SLC12A5: variants seen among roughly 807,000 people sequenced by gnomAD.
SLC12A5 encodes the protein K-Cl cotransporter 2.
A neutral mutation model predicts 124.0 loss-of-function variants in SLC12A5; 18 were observed. That is an observed-to-expected ratio of 0.15 (90% confidence interval 0.10 to 0.22). The LOEUF (loss-of-function observed/expected upper bound fraction) is 0.22, where lower values mean the gene tolerates loss of function less well. SLC12A5 is among the 10% of genes least tolerant of loss of function. SLC12A5 has a pLI of 1.00. For synonymous variants in SLC12A5, 589 were observed against 568.0 expected (o/e 1.04, Z -0.53); for missense variants, 867 against 1,478.7 (o/e 0.59, Z 6.78).
At chr20:46,055,688 G>A (rs538557753) in intron 21 of SLC12A5, among the ~76,000 whole-genome samples, 58 of 152,242 alleles carry the variant, frequency 3.8e-4, no homozygotes, top group African/African-American at 1.3e-3. Context: ...GAGGGTAATA[G>A]AACCATGGGT....
intron 1 of SLC12A5, 81 bp downstream of exon 1, chr20:46,029,477 C>A (rs1253563779): frequency 1.4e-6 from 2 of 1,443,628 alleles, no homozygotes; most frequent in Non-Finnish European, 1.9e-6. Flanking sequence ...GAGCGGGGGC[C>A]ACCTCCTTCA....
At position 46,030,912 on chromosome 20, in the gene SLC12A5, TG is replaced by T. The variant is rs1201889189; in HGVS notation, c.52+1519del. Reference sequence around the variant, plus strand: ...CTCTCATCCACCTCCCCAGTGACCCTGGGATCACCTCATCCAGCATCCGCCC... The same window carrying T: ...CTCTCATCCACCTCCCCAGTGACCCTGGATCACCTCATCCAGCATCCGCCC... On this transcript the variant is annotated intron_variant, in intron 1 of 25. Transcript: ENST00000243964. 2.0e-5 allele frequency among the ~76,000 whole-genome samples: 3 copies of T among 149,010 alleles called. No homozygotes were observed. In the Middle Eastern group the frequency reaches 0.01, roughly 514 times the overall value.
intron 18 of SLC12A5, among the ~76,000 whole-genome samples, chr20:46,052,505 G>T (rs1481625873): frequency 1.3e-5 from 2 of 152,222 alleles, no homozygotes; most frequent in Non-Finnish European, 2.9e-5. Flanking sequence ...TTTGAGCTGG[G>T]CAACCTGGCA....
chr20:46,043,082 C>T (rs2145491274), intron 8 of SLC12A5, 71 bp from the exon 9 acceptor site: 10 of 1,524,046 alleles, frequency 6.6e-6, no homozygotes, highest in Non-Finnish European at 8.9e-6. Flanking sequence ...TTTGCCCCCT[C>T]CCACCTCCTG....
At chr20:46,047,935 C>A (rs1178038142) in intron 15 of SLC12A5, 46 bp from the exon 16 acceptor site, 4 of 1,534,256 alleles carry the variant, frequency 2.6e-6, no homozygotes, top group Non-Finnish European at 3.5e-6. Flanking sequence ...TCTCCCTGCC[C>A]CCTCCTGGCT....
At chr20:46,047,959 T>G in intron 15 of SLC12A5, 22 bp from the exon 16 acceptor site, 2 of 1,590,672 alleles carry the variant, frequency 1.3e-6, no homozygotes, top group South Asian at 1.1e-5. Context: ...TGCTCTCATG[T>G]GATCCACTTC....
chr20:46,029,474 G>GGCCA, intron 1 of SLC12A5, 78 bp downstream of exon 1: 1 of 1,457,868 alleles, frequency 6.9e-7, no homozygotes, highest in Non-Finnish European at 9.3e-7. Flanking sequence ...GCGGAGCGGG[G>GGCCA]GCCACCTCCT....
At chr20:46,044,860 T>C in intron 11 of SLC12A5, 106 bp from the exon 12 acceptor site, 1 of 1,264,842 alleles carries the variant, frequency 7.9e-7, no homozygotes, top group Non-Finnish European at 1.1e-6. Context: ...TTACAGAACT[T>C]AGTCCTGTGG....
rs1164657253 is a variant in SLC12A5 at position 46,056,071 on chromosome 20, T to C, written c.2788-79T>C. 4 of 1,576,434 alleles carry C rather than the reference T, an allele frequency of 2.5e-6. No homozygotes were observed. The highest frequency in any genetic ancestry group is 2.7e-5 in the African/African-American group (2 of 74,030). On this transcript the variant is annotated intron_variant, in intron 21 of 25. Coordinates refer to ENST00000243964, the MANE Select transcript of SLC12A5 (RefSeq NM_020708.5). This position sits in a 1 kb window ranked among gnomAD's most constrained non-coding sequence, Gnocchi z 4.3. ...CCAGAAAGTGCATCCTGGCTGAACA[T>C]CATCTCTGGTGATAGCTCTTTGCAG...
intron 17 of SLC12A5, among the ~76,000 whole-genome samples, chr20:46,050,669 C>T (rs959733398): frequency 9.2e-5 from 14 of 152,184 alleles, no homozygotes; most frequent in Admixed American, 3.9e-4. Flanking sequence ...ATTCAACACG[C>T]GGTGGCTGAG....
Position 46,059,477 on chromosome 20 carries a change from A to T in SLC12A5, c.*1872A>T, listed in dbSNP as rs140527356. On this transcript the variant is annotated 3_prime_UTR_variant, in exon 26 of 26. Transcript: ENST00000243964. Reference sequence around the variant, plus strand: ...CATCCTTCAGTAGACCTCCCTCTGAACACCACAGCCAGGTCCTGCCTTCTG... The same window carrying T: ...CATCCTTCAGTAGACCTCCCTCTGATCACCACAGCCAGGTCCTGCCTTCTG... 84 of 398,780 alleles carry T rather than the reference A, an allele frequency of 2.1e-4. No individual in the cohort carries two copies. Among genetic ancestry groups the T allele is most frequent in the African/African-American group, 1.4e-3 (70 of 48,748 alleles). 24.7% of individuals were successfully genotyped at this position (398,780 alleles called of 1,614,324 possible). A position where few individuals can be genotyped will look rare whatever the true frequency, so the allele number is the denominator to read the frequency against.
At chr20:46,027,124 T>C (rs1427393150), upstream of SLC12A5, among the ~76,000 whole-genome samples, 1 of 152,230 alleles carries the variant, frequency 6.6e-6, no homozygotes, top group Non-Finnish European at 1.5e-5. Flanking sequence ...GCTGTGTGTG[T>C]GTAGAGTGGA....
At chr20:46,037,093 G>A (rs535026025) in intron 5 of SLC12A5, among the ~76,000 whole-genome samples, 162 bp from the exon 6 acceptor site, 1 of 152,102 alleles carries the variant, frequency 6.6e-6, no homozygotes, top group African/African-American at 2.4e-5. Flanking sequence ...TCCATGCAGA[G>A]TGGTTGCTTG....
At chr20:46,043,041 A>T in intron 8 of SLC12A5, 112 bp from the exon 9 acceptor site, 1 of 997,508 alleles carries the variant, frequency 1.0e-6, no homozygotes, top group Non-Finnish European at 1.5e-6. Flanking sequence ...GGCCGGGGAG[A>T]GTGAGATGGG....
At chr20:46,048,336 C>T (rs1365768727) in intron 16 of SLC12A5, among the ~76,000 whole-genome samples, 1 of 152,160 alleles carries the variant, frequency 6.6e-6, no homozygotes, top group Non-Finnish European at 1.5e-5. Flanking sequence ...GTCATCCATT[C>T]ATTCATTTCA....
rs2084489970 is a variant in SLC12A5 at position 46,035,542 on chromosome 20, A to G, written c.279+7A>G. 6.3e-7 allele frequency: 1 copy of G among 1,598,178 alleles called. No homozygotes were observed. Among genetic ancestry groups the G allele is most frequent in the Non-Finnish European group, 8.5e-7 (1 of 1,172,310 alleles). On this transcript the variant is annotated splice_region_variant and intron_variant, in intron 3 of 25. Transcript: ENST00000243964. Reference sequence around the variant, plus strand: ...AAAAAAGAAGCCGGTGCAGGTGAGGACCTCGGGGGATGAGAAATGGAAGAA... The same window carrying G: ...AAAAAAGAAGCCGGTGCAGGTGAGGGCCTCGGGGGATGAGAAATGGAAGAA...
intron 17 of SLC12A5, among the ~76,000 whole-genome samples, chr20:46,051,121 G>A (rs767987612): frequency 1.3e-5 from 2 of 152,172 alleles, no homozygotes; most frequent in Non-Finnish European, 2.9e-5. Context: ...TTAGCTGTGT[G>A]TCCTTAAACA....
chr20:46,022,730 G>C (rs1269986052), intron 1 of SLC12A5: 5 of 398,216 alleles, frequency 1.3e-5, no homozygotes, highest in Admixed American at 4.4e-5. Context: ...TCTTCCTCGC[G>C]GGCCCTGTGC....
Position 46,058,768 on chromosome 20 carries a change from G to A in SLC12A5, c.*1163G>A. On this transcript the variant is annotated 3_prime_UTR_variant, in exon 26 of 26. Coordinates refer to ENST00000243964, the MANE Select transcript of SLC12A5 (RefSeq NM_020708.5). This position sits in a 1 kb window ranked among gnomAD's most constrained non-coding sequence, Gnocchi z 5.8. ...GGAGGGGGCCGATTCTGGTTTAGGG[G>A]CCGGACCCACTGAGAGGCCCCAGAG... 2.5e-6 allele frequency: 1 copy of A among 398,710 alleles called. No individual in the cohort carries two copies. 24.7% of individuals were successfully genotyped at this position (398,710 alleles called of 1,614,324 possible).
Sources: gnomAD v4.1 joint callset for allele counts (sites outside exome capture counted in the v4.1 genomes callset) on GRCh38, gnomAD v4.1.1 for gene constraint, Gnocchi (gnomAD v3.1) non-coding constraint, MANE v1.5 for transcripts, NCBI Gene and HGNC (gene_info 2026-07-23, HGNC 2026-07-21) for gene names.